ADAMTS16: variants seen among roughly 807,000 people sequenced by gnomAD.
ADAMTS16 encodes A disintegrin and metalloproteinase with thrombospondin motifs 16.
A neutral mutation model predicts 145.8 loss-of-function variants in ADAMTS16; 94 were observed. The ratio of observed to expected loss-of-function variants is 0.64; its 90% CI spans 0.55 to 0.77. The LOEUF is 0.77. ADAMTS16 is among the 30% of genes least tolerant of loss of function. ADAMTS16 has a pLI of 0.00. For synonymous variants in ADAMTS16, 659 were observed against 604.3 expected (o/e 1.09, Z -1.33); for missense variants, 1,585 against 1,591.5 (o/e 1.00, Z 0.07).
At chr5:5,235,480 G>A (rs960399588) in intron 13 of ADAMTS16, among the ~76,000 whole-genome samples, 145 of 149,484 alleles carry the variant, frequency 9.7e-4, no homozygotes, top group Non-Finnish European at 1.9e-3. Context: ...GATCCTGCAT[G>A]GAAATTGAAT....
chr5:5,211,426 A>G (rs1437775267), intron 10 of ADAMTS16, among the ~76,000 whole-genome samples: 9 of 152,166 alleles, frequency 5.9e-5, no homozygotes, highest in African/African-American at 1.9e-4. Flanking sequence ...CATAATGATA[A>G]TATGTATTTT....
At chr5:5,275,655 A>G (rs995723) in intron 18 of ADAMTS16, among the ~76,000 whole-genome samples, 81,252 of 151,940 alleles carry the variant, frequency 0.53, 22,080 homozygotes, top group Admixed American at 0.65. Flanking sequence ...TTAAGTAATG[A>G]CCATCCTTAT....
rs769862866 is a variant in ADAMTS16, at chr5:5,146,344, G to C, written c.390G>C (p.Lys130Asn). 4 of 1,614,064 alleles carry C rather than the reference G, an allele frequency of 2.5e-6. No homozygotes were observed. In the African/African-American group the frequency reaches 4.0e-5, roughly 16 times the overall value. ...APGFIVQTLG[K>N]TGTKSVQTLP... ...GCTTTATTGTGCAGACGTTGGGAAAGACAGGCACTAAGTCTGTGCAGACTT... is the reference window on the plus strand; with the variant it reads ...GCTTTATTGTGCAGACGTTGGGAAACACAGGCACTAAGTCTGTGCAGACTT... The change falls in exon 3 of 23, where the codon AAG becomes AAC. Residue 130 changes from lysine to asparagine, a missense_variant. By Grantham distance (94) the Lys-to-Asn change is moderately conservative. Coordinates refer to ENST00000274181, the MANE Select transcript of ADAMTS16 (RefSeq NM_139056.4).
rs1375408504 is a variant in ADAMTS16, at chr5:5,319,637, G to T, written c.*499G>T. The T allele has an allele frequency of 2.9e-6, 1 of 343,590 alleles. No homozygotes were observed. The allele number at this position is 343,590 out of a possible 1,614,324, so 21.3% of individuals were successfully genotyped here. A position where few individuals can be genotyped will look rare whatever the true frequency, so the allele number is the denominator to read the frequency against. On this transcript the variant is annotated 3_prime_UTR_variant, in exon 23 of 23. Transcript: ENST00000274181. ...CCAACTTCCTGGGTGGAGGTCAGGG[G>T]AGCTCCAGGAGGCTGCCCAGGCTCC...
Position 5,228,415 on chromosome 5 carries a change from A to G in ADAMTS16, c.1702-3953A>G, listed in dbSNP as rs1400992559. 2.6e-5 allele frequency among the ~76,000 whole-genome samples: 4 copies of G among 152,350 alleles called. No homozygotes were observed. The East Asian group carries it at 7.7e-4, about 29-fold the overall frequency. ...ATTTTTAATATATAAAAGAGATACA[A>G]ATATAAAATCAAAGAAGCTAAGTAA... On this transcript the variant is annotated intron_variant, in intron 11 of 22. Coordinates refer to ENST00000274181, the MANE Select transcript of ADAMTS16 (RefSeq NM_139056.4).
intron 3 of ADAMTS16, among the ~76,000 whole-genome samples, chr5:5,177,144 G>C (rs1735219513): frequency 6.6e-6 from 1 of 152,202 alleles, no homozygotes; most frequent in South Asian, 2.1e-4. Context: ...GAGGAACTGG[G>C]GTTTGCGAGA....
intron 9 of ADAMTS16, among the ~76,000 whole-genome samples, chr5:5,206,054 A>G (rs931753447): frequency 5.9e-5 from 9 of 152,016 alleles, no homozygotes; most frequent in Non-Finnish European, 5.9e-5. Flanking sequence ...CTCCTATGTT[A>G]TTTTCTAGAA....
intron 3 of ADAMTS16, among the ~76,000 whole-genome samples, chr5:5,164,425 G>A (rs962034095): frequency 6.6e-6 from 1 of 152,238 alleles, no homozygotes; most frequent in African/African-American, 2.4e-5. Context: ...CAGTCTCTCA[G>A]CTTTCTTAGT....
intron 3 of ADAMTS16, among the ~76,000 whole-genome samples, chr5:5,161,322 G>T (rs777573059): frequency 6.6e-6 from 1 of 152,086 alleles, no homozygotes. Flanking sequence ...GGTCATTTTT[G>T]TTTGATCTTG....
At chr5:5,194,887 C>G (rs1477702500) in intron 8 of ADAMTS16, among the ~76,000 whole-genome samples, 2 of 152,140 alleles carry the variant, frequency 1.3e-5, no homozygotes, top group Non-Finnish European at 2.9e-5. Flanking sequence ...AAACATACTG[C>G]TTCGAAGGTA....
chr5:5,260,644 A>T (rs1185368743), intron 17 of ADAMTS16, among the ~76,000 whole-genome samples: 3 of 152,246 alleles, frequency 2.0e-5, no homozygotes. Context: ...GCTTAGAGCC[A>T]TGAGCTCCGA....
rs751559100 is a variant in ADAMTS16, at chr5:5,209,258, T to C, written c.1605+12T>C. On this transcript the variant is annotated intron_variant, in intron 10 of 22. Transcript: ENST00000274181. ...TGGACTTTAAAAAGGCAAGTGATTATTGGCACATGCTCAATGCAACATGAT... is the reference window on the plus strand; with the variant it reads ...TGGACTTTAAAAAGGCAAGTGATTACTGGCACATGCTCAATGCAACATGAT... 4 of 1,613,252 alleles carry C rather than the reference T, an allele frequency of 2.5e-6. No individual in the cohort carries two copies. Among genetic ancestry groups the C allele is most frequent in the South Asian group, 2.2e-5 (2 of 90,896 alleles).
intron 2 of ADAMTS16, among the ~76,000 whole-genome samples, chr5:5,143,816 T>A (rs1276639873): frequency 6.6e-6 from 1 of 152,182 alleles, no homozygotes; most frequent in East Asian, 1.9e-4. Flanking sequence ...AAGAATGAGT[T>A]CATGTCATTT....
At chr5:5,251,531 C>G (rs1018143447) in intron 17 of ADAMTS16, among the ~76,000 whole-genome samples, 1 of 152,138 alleles carries the variant, frequency 6.6e-6, no homozygotes, top group Non-Finnish European at 1.5e-5. Context: ...AGTCTAAAAC[C>G]TTTTCTGTTG....
intron 9 of ADAMTS16, among the ~76,000 whole-genome samples, chr5:5,207,232 G>A (rs1293307896): frequency 6.6e-6 from 1 of 152,036 alleles, no homozygotes; most frequent in African/African-American, 2.4e-5. Context: ...CATCAGTTTT[G>A]TAGATTTTTC....
chr5:5,298,261 A>G (rs1739628335), intron 18 of ADAMTS16, among the ~76,000 whole-genome samples: 1 of 152,206 alleles, frequency 6.6e-6, no homozygotes, highest in African/African-American at 2.4e-5. Context: ...TGGAGACTGG[A>G]GTGCATTGCT....
chr5:5,286,930 G>A (rs1739130316), intron 18 of ADAMTS16, among the ~76,000 whole-genome samples: 1 of 149,784 alleles, frequency 6.7e-6, no homozygotes, highest in South Asian at 2.1e-4. Flanking sequence ...GAACCTACTT[G>A]ATGGGAAAAA....
intron 14 of ADAMTS16, among the ~76,000 whole-genome samples, chr5:5,238,590 AT>A (rs142743269): frequency 0.11 from 17,208 of 151,998 alleles, 1,103 homozygotes; most frequent in Admixed American, 0.19. Flanking sequence ...TTCTGAATGG[AT>A]TTTTTTTGTA....
intron 20 of ADAMTS16, among the ~76,000 whole-genome samples, chr5:5,305,077 ACACATCC>A (rs1740012964): frequency 1.3e-5 from 1 of 74,478 alleles, no homozygotes; most frequent in Non-Finnish European, 2.8e-5. Context: ...ACACACACAC[ACACATCC>A]CACACCACAC....
Sources: gnomAD v4.1 joint callset for allele counts (sites outside exome capture counted in the v4.1 genomes callset) on GRCh38, gnomAD v4.1.1 for gene constraint, MANE v1.5 for transcripts, NCBI Gene and HGNC (gene_info 2026-07-23, HGNC 2026-07-21) for gene names.